The following SIPA1L1 variants were observed in gnomAD, a reference collection of about 807,000 sequenced individuals.
SIPA1L1 encodes the protein signal induced proliferation associated 1 like 1, also known as signal-induced proliferation-associated 1-like protein 1.
A neutral mutation model predicts 162.7 loss-of-function variants in SIPA1L1; 26 were observed. The ratio of observed to expected loss-of-function variants is 0.16; its 90% CI spans 0.12 to 0.22. The LOEUF (loss-of-function observed/expected upper bound fraction) is 0.22, where lower values mean the gene tolerates loss of function less well. SIPA1L1 is among the 10% of genes least tolerant of loss of function. The pLI is 1.00. For synonymous variants in SIPA1L1, 829 were observed against 837.4 expected, an observed-to-expected ratio of 0.99 and a Z score of 0.17; for missense variants, 1,874 against 2,241.0, an observed-to-expected ratio of 0.84 and a Z score of 3.31.
chr14:71,592,516 C>T (rs977737569), intron 5 of SIPA1L1, among the ~76,000 whole-genome samples: 4 of 152,078 alleles, frequency 2.6e-5, no homozygotes, highest in African/African-American at 9.7e-5. Flanking sequence ...TGTAATTTAT[C>T]CTCTAGCACC....
At chr14:71,447,477 T>C (rs2045493899) in intron 2 of SIPA1L1, among the ~76,000 whole-genome samples, 1 of 152,094 alleles carries the variant, frequency 6.6e-6, no homozygotes, top group Non-Finnish European at 1.5e-5. Flanking sequence ...AGTGCAAAAT[T>C]ATGGGGATGC....
chr14:71,409,451 G>A (rs990655844), intron 2 of SIPA1L1, among the ~76,000 whole-genome samples: 1 of 152,156 alleles, frequency 6.6e-6, no homozygotes, highest in Non-Finnish European at 1.5e-5. Context: ...TGGTGTGAGG[G>A]ATAAATCCAA....
chr14:71,426,732 T>A (rs1230909282), intron 2 of SIPA1L1, among the ~76,000 whole-genome samples: 1 of 152,120 alleles, frequency 6.6e-6, no homozygotes, highest in Non-Finnish European at 1.5e-5. Flanking sequence ...CCTCAAATGA[T>A]CTGCCTGCCC....
chr14:71,353,954 C>T (rs1428179376), intron 2 of SIPA1L1, among the ~76,000 whole-genome samples: 1 of 151,496 alleles, frequency 6.6e-6, no homozygotes, highest in Non-Finnish European at 1.5e-5. Context: ...AAAGGCCATT[C>T]GAATACCAAA....
chr14:71,446,481 C>T (rs949492252), intron 2 of SIPA1L1, among the ~76,000 whole-genome samples: 2 of 152,104 alleles, frequency 1.3e-5, no homozygotes, highest in Admixed American at 6.6e-5. Context: ...GCAGGAGGAT[C>T]GCTTGAGCCC....
intron 2 of SIPA1L1, among the ~76,000 whole-genome samples, chr14:71,436,517 C>T (rs116841341): frequency 1.7e-3 from 260 of 152,142 alleles, no homozygotes; most frequent in Non-Finnish European, 2.5e-3. Context: ...TTATCTTTTC[C>T]ACACTGATGT....
intron 11 of SIPA1L1, 135 bp from the exon 12 acceptor site, chr14:71,672,213 G>GA (rs2044605804): frequency 1.2e-6 from 1 of 820,062 alleles, no homozygotes; most frequent in African/African-American, 1.7e-5. Flanking sequence ...TAGTGAAGAG[G>GA]AAATAACCAG....
intron 4 of SIPA1L1, among the ~76,000 whole-genome samples, chr14:71,583,396 G>C (rs1172047806): frequency 6.6e-6 from 1 of 152,208 alleles, no homozygotes; most frequent in Non-Finnish European, 1.5e-5. Context: ...AACATTGAGA[G>C]CTGGCGTTGT....
At chr14:71,521,006 A>G (rs2052293811) in intron 3 of SIPA1L1, among the ~76,000 whole-genome samples, 1 of 152,158 alleles carries the variant, frequency 6.6e-6, no homozygotes. Flanking sequence ...TGCCTGCCTC[A>G]GCCTCCCAAA....
intron 5 of SIPA1L1, among the ~76,000 whole-genome samples, chr14:71,615,489 A>G (rs2038730573): frequency 6.6e-6 from 1 of 152,232 alleles, no homozygotes; most frequent in African/African-American, 2.4e-5. Flanking sequence ...TGATGATAGG[A>G]TAAATCAGTG....
intron 15 of SIPA1L1, among the ~76,000 whole-genome samples, chr14:71,704,015 A>G (rs940613667): frequency 3.3e-4 from 51 of 152,304 alleles, no homozygotes; most frequent in African/African-American, 1.1e-3. Context: ...TTAAAATAAG[A>G]TACCCCTGAA....
At chr14:71,567,977 G>A (rs1280187073) in intron 4 of SIPA1L1, among the ~76,000 whole-genome samples, 5 of 152,224 alleles carry the variant, frequency 3.3e-5, no homozygotes, top group Non-Finnish European at 7.3e-5. Context: ...GCATGCTAAT[G>A]TATTATAATT....
intron 10 of SIPA1L1, among the ~76,000 whole-genome samples, chr14:71,662,044 T>C (rs904439777): frequency 6.6e-6 from 1 of 152,066 alleles, no homozygotes; most frequent in Non-Finnish European, 1.5e-5. Flanking sequence ...GAGTTAGGAG[T>C]TGAAGGAGAT....
At chr14:71,609,558 C>G (rs927383364) in intron 5 of SIPA1L1, among the ~76,000 whole-genome samples, 28 of 152,110 alleles carry the variant, frequency 1.8e-4, no homozygotes, top group African/African-American at 6.3e-4. Flanking sequence ...CCTCCGCCTC[C>G]TGGGTTCAAG....
intron 14 of SIPA1L1, among the ~76,000 whole-genome samples, chr14:71,700,072 A>G (rs1223097507): frequency 6.6e-6 from 1 of 152,208 alleles, no homozygotes; most frequent in East Asian, 1.9e-4. Context: ...TAAATTGGGG[A>G]TAGGGGGCAT....
In SIPA1L1 at chr14:71,698,998, A is replaced by ACAT. The variant is rs763492968; in HGVS notation, c.3394_3396dup (p.Ile1132dup). 6.2e-7 allele frequency: 1 copy of ACAT among 1,614,100 alleles called. No individual in the cohort carries two copies. The highest frequency in any genetic ancestry group is 1.7e-5 in the Admixed American group (1 of 60,014). On this transcript the variant is annotated inframe_insertion, in exon 14 of 24. Coordinates refer to ENST00000381232, the MANE Select transcript of SIPA1L1 (RefSeq NM_001386936.1). ...ACATGCAGGCTGTCTCCTGGTTCGG[A>ACAT]CATCTATGTGACGGTCTCATCCATG...
At chr14:71,732,045 C>T (rs908716954) in intron 20 of SIPA1L1, among the ~76,000 whole-genome samples, 4 of 152,210 alleles carry the variant, frequency 2.6e-5, no homozygotes, top group Non-Finnish European at 5.9e-5. Context: ...TATCTCCCCT[C>T]CTACTTACCC....
chr14:71,485,305 A>C (rs1004803013), intron 2 of SIPA1L1, among the ~76,000 whole-genome samples: 1 of 152,232 alleles, frequency 6.6e-6, no homozygotes. Context: ...ACCACGGACC[A>C]GTACCAGTCT....
intron 5 of SIPA1L1, among the ~76,000 whole-genome samples, chr14:71,599,460 CTTTTT>C (rs111750084): frequency 1.5e-5 from 2 of 130,328 alleles, no homozygotes; most frequent in Non-Finnish European, 1.6e-5. Flanking sequence ...CGATTTCATT[CTTTTT>C]TTTTTTTTTT....
Sources: allele counts gnomAD v4.1 joint callset (sites outside exome capture counted in the v4.1 genomes callset), GRCh38; gene constraint gnomAD v4.1.1; transcripts MANE v1.5; gene names NCBI Gene and HGNC (gene_info 2026-07-23, HGNC 2026-07-21).